Variants in PAPPA2 observed in about 807,000 individuals in gnomAD.
PAPPA2 encodes the protein pappalysin-2.
In PAPPA2, 86 loss-of-function variants were observed where a neutral mutation model predicts 176.4. That is an observed-to-expected ratio of 0.49 (90% confidence interval 0.41 to 0.58). The LOEUF is 0.58. Ranked by LOEUF, PAPPA2 falls within the 20% of genes least tolerant of loss-of-function variation. The pLI is 0.00. For synonymous variants in PAPPA2, 809 were observed against 852.2 expected, an observed-to-expected ratio of 0.95 and a Z score of 0.88; for missense variants, 2,073 against 2,256.9, an observed-to-expected ratio of 0.92 and a Z score of 1.65.
In PAPPA2 at chr1:176,556,260, C is replaced by G. The variant is rs1281209891; in HGVS notation, c.-63C>G. On this transcript the variant is annotated 5_prime_UTR_variant, in exon 2 of 23. Coordinates refer to ENST00000367662, the MANE Select transcript of PAPPA2 (RefSeq NM_020318.3). ...TGCTAGCTGCCTCTTTCTCGTCTGC[C>G]CATCACTCTGGTGTGGTACCCAGAA... 1.3e-6 allele frequency: 2 copies of G among 1,528,456 alleles called. No individual in the cohort carries two copies. Among genetic ancestry groups the G allele is most frequent in the Admixed American group, 1.9e-5 (1 of 52,232 alleles). The allele number at this position is 1,528,456 out of a possible 1,614,324, so 94.7% of individuals were successfully genotyped here. A position where few individuals can be genotyped will look rare whatever the true frequency, so the allele number is the denominator to read the frequency against.
intron 1 of PAPPA2, among the ~76,000 whole-genome samples, chr1:176,549,891 G>C (rs1650842495): frequency 6.6e-6 from 1 of 152,198 alleles, no homozygotes; most frequent in South Asian, 2.1e-4. Context: ...ACCTTTTTTA[G>C]TACACAGTTC....
rs1651273992 is a variant in PAPPA2, at chr1:176,556,209, A to C, written c.-114A>C. 2 of 1,262,776 alleles carry C rather than the reference A, an allele frequency of 1.6e-6. No individual in the cohort carries two copies. Among genetic ancestry groups the C allele is most frequent in the South Asian group, 2.9e-5 (2 of 69,172 alleles). 78.2% of individuals were successfully genotyped at this position (1,262,776 alleles called of 1,614,324 possible). A position where few individuals can be genotyped will look rare whatever the true frequency, so the allele number is the denominator to read the frequency against. On this transcript the variant is annotated 5_prime_UTR_variant, in exon 2 of 23. Coordinates refer to ENST00000367662, the MANE Select transcript of PAPPA2 (RefSeq NM_020318.3). ...AAAAAGTTTGGTCTGTGAACAAAAC[A>C]GTTTCCCTGGTGACTGCAAATCCAT... is the stretch of plus-strand genomic sequence containing the variant.
At chr1:176,557,365 A>G (rs572420594) in intron 2 of PAPPA2, 124 bp downstream of exon 2, 3 of 1,130,090 alleles carry the variant, frequency 2.7e-6, no homozygotes, top group Admixed American at 2.8e-5. Flanking sequence ...AGGGCTAGCC[A>G]GGGAGAGGGG....
At chr1:176,685,965 G>A (rs1011914366) in intron 4 of PAPPA2, among the ~76,000 whole-genome samples, 2 of 152,152 alleles carry the variant, frequency 1.3e-5, no homozygotes, top group East Asian at 1.9e-4. Context: ...CGATGTGAGT[G>A]TGTGTGTGTC....
chr1:176,757,502 C>A (rs544427662), intron 14 of PAPPA2, among the ~76,000 whole-genome samples: 4 of 152,308 alleles, frequency 2.6e-5, no homozygotes, highest in Non-Finnish European at 4.4e-5. Flanking sequence ...GCATAAATGT[C>A]TTCTTTTGAG....
chr1:176,818,079 A>C (rs1468730284), intron 21 of PAPPA2, among the ~76,000 whole-genome samples: 1 of 152,176 alleles, frequency 6.6e-6, no homozygotes, highest in Non-Finnish European at 1.5e-5. Flanking sequence ...AAACCCATTT[A>C]AGAAGGGAGG....
intron 1 of PAPPA2, among the ~76,000 whole-genome samples, chr1:176,535,156 C>T (rs566309509): frequency 4.6e-5 from 7 of 152,172 alleles, no homozygotes; most frequent in Non-Finnish European, 7.4e-5. Context: ...ATAAAATGTG[C>T]GAAAAAAGTG....
At chr1:176,599,285 T>G (rs1654166170) in intron 3 of PAPPA2, among the ~76,000 whole-genome samples, 1 of 152,052 alleles carries the variant, frequency 6.6e-6, no homozygotes, top group African/African-American at 2.4e-5. Flanking sequence ...ATTTGTAAGA[T>G]TATTTTTTAG....
Position 176,564,725 on chromosome 1 carries a change from T to TTC in PAPPA2, c.919+7485_919+7486insCT, listed in dbSNP as rs549682424. ...TTATATTTATTTCTTTCCTTTTCTT[T>TTC]TTTTTTTTTTTTTTAGAAAAAAGCA... On this transcript the variant is annotated intron_variant, in intron 2 of 22. Coordinates refer to ENST00000367662, the MANE Select transcript of PAPPA2 (RefSeq NM_020318.3). Among the ~76,000 whole-genome samples, 243 of 150,844 alleles carry TTC rather than the reference T, an allele frequency of 1.6e-3. 1 individual carries two copies. The highest frequency in any genetic ancestry group is 5.6e-3 in the African/African-American group (232 of 41,312).
chr1:176,602,710 C>G (rs1027450464), intron 3 of PAPPA2, among the ~76,000 whole-genome samples: 1 of 151,408 alleles, frequency 6.6e-6, no homozygotes, highest in Non-Finnish European at 1.5e-5. Flanking sequence ...TAAAACTAAA[C>G]AGCAAAAAAA....
chr1:176,515,003 C>T (rs1179187936), intron 1 of PAPPA2, among the ~76,000 whole-genome samples: 1 of 152,128 alleles, frequency 6.6e-6, no homozygotes, highest in Non-Finnish European at 1.5e-5. Flanking sequence ...CTCTGGAGTC[C>T]AAATACCTTG....
intron 1 of PAPPA2, among the ~76,000 whole-genome samples, chr1:176,509,880 A>AC (rs1395527543): frequency 6.6e-6 from 1 of 151,588 alleles, no homozygotes; most frequent in Non-Finnish European, 1.5e-5. Context: ...AACAAAAAAA[A>AC]CACATTAGCT....
intron 1 of PAPPA2, among the ~76,000 whole-genome samples, chr1:176,504,631 A>G (rs576637534): frequency 1.2e-4 from 18 of 152,258 alleles, no homozygotes; most frequent in African/African-American, 3.8e-4. Context: ...AATCCAAGAC[A>G]GAAGATCAGT....
rs192107358 is a variant in PAPPA2, at chr1:176,812,955, G to A, written c.5202+12823G>A. ...CTCCCTCCCCCAACCAACCTGCCCC[G>A]ACATGCCCCAGTGTGTGTGTTGTTC... On this transcript the variant is annotated intron_variant, in intron 21 of 22. Transcript: ENST00000367662. Among the ~76,000 whole-genome samples, 80 of 151,250 alleles carry A rather than the reference G, an allele frequency of 5.3e-4. 1 individual carries two copies. The highest frequency in any genetic ancestry group is 6.3e-4 in the Non-Finnish European group (43 of 67,848).
At chr1:176,838,814 C>T (rs554148371) in intron 21 of PAPPA2, among the ~76,000 whole-genome samples, 1 of 152,334 alleles carries the variant, frequency 6.6e-6, no homozygotes, top group Non-Finnish European at 1.5e-5. Flanking sequence ...TGTGTGGCAG[C>T]TGTTGAGTTC....
At chr1:176,582,538 C>A (rs967982572) in intron 2 of PAPPA2, among the ~76,000 whole-genome samples, 1 of 152,024 alleles carries the variant, frequency 6.6e-6, no homozygotes, top group Non-Finnish European at 1.5e-5. Flanking sequence ...TTATTAAATG[C>A]TTTTTCCATA....
rs565451658 is a variant in PAPPA2 at position 176,511,766 on chromosome 1, C to G, written c.-916-43641C>G. 3.9e-5 allele frequency among the ~76,000 whole-genome samples: 6 copies of G among 152,164 alleles called. No individual in the cohort carries two copies. The South Asian group carries it at 1.2e-3, about 32-fold the overall frequency. Reference sequence around the variant, plus strand: ...TTTAGCTTGGCATATCCAATTTTTCCGGGCTTCTGACATTGGCACTCCTGG... The same window carrying G: ...TTTAGCTTGGCATATCCAATTTTTCGGGGCTTCTGACATTGGCACTCCTGG... On this transcript the variant is annotated intron_variant, in intron 1 of 22. Transcript: ENST00000367662.
chr1:176,733,108 T>G (rs1662238181), intron 12 of PAPPA2, among the ~76,000 whole-genome samples: 2 of 152,180 alleles, frequency 1.3e-5, no homozygotes, highest in Admixed American at 1.3e-4. Context: ...GAAACCATCC[T>G]CCTCCATTCC....
intron 1 of PAPPA2, among the ~76,000 whole-genome samples, chr1:176,471,030 A>G (rs1651848784): frequency 1.3e-5 from 2 of 152,186 alleles, no homozygotes; most frequent in Admixed American, 6.5e-5. Flanking sequence ...TTTTACAGAT[A>G]GTAGGTGATA....
Sources: allele counts gnomAD v4.1 joint callset (sites outside exome capture counted in the v4.1 genomes callset), GRCh38; gene constraint gnomAD v4.1.1; transcripts MANE v1.5; gene names NCBI Gene and HGNC (gene_info 2026-07-23, HGNC 2026-07-21).